The following LNPK variants were observed in gnomAD, a reference collection of about 807,000 sequenced individuals.
LNPK encodes the protein lunapark, ER junction formation factor.
In LNPK, 29 loss-of-function variants were observed where a neutral mutation model predicts 55.2. The observed-to-expected ratio is 0.53, with a 90% CI of 0.39 to 0.72. The LOEUF is 0.72. Among genes scored for constraint, LNPK ranks in the 30% least tolerant of loss-of-function variants. The pLI, the probability that LNPK is intolerant of heterozygous loss-of-function variation, is 0.00. For synonymous variants in LNPK, 162 were observed against 168.2 expected, an observed-to-expected ratio of 0.96 and a Z score of 0.29; for missense variants, 467 against 494.8, an observed-to-expected ratio of 0.94 and a Z score of 0.53.
intron 8 of LNPK, among the ~76,000 whole-genome samples, chr2:175,963,730 G>T (rs373150618): frequency 6.6e-6 from 1 of 150,572 alleles, no homozygotes; most frequent in Non-Finnish European, 1.5e-5. Flanking sequence ...TAAAAAAAAA[G>T]AAAAGAACAA....
intron 5 of LNPK, among the ~76,000 whole-genome samples, chr2:175,971,528 T>G (rs1263143632): frequency 6.6e-6 from 1 of 152,146 alleles, no homozygotes; most frequent in Non-Finnish European, 1.5e-5. Context: ...GGCTTGAATA[T>G]TATCAAATGA....
chr2:175,988,535 A>G lies in LNPK; in HGVS notation c.257+3696T>C, dbSNP rs984479356. 2.0e-5 allele frequency among the ~76,000 whole-genome samples: 3 copies of G among 150,452 alleles called. No individual in the cohort carries two copies. In the East Asian group the frequency reaches 5.9e-4, roughly 29 times the overall value. On this transcript the variant is annotated intron_variant, in intron 4 of 12. Coordinates refer to ENST00000272748, the MANE Select transcript of LNPK (RefSeq NM_030650.3). ...TCCAAAAAAAAAAAAAAAAAAAAAAAGCTAAAGATGAATTTATATACAGGT... is the reference window on the plus strand; with the variant it reads ...TCCAAAAAAAAAAAAAAAAAAAAAAGGCTAAAGATGAATTTATATACAGGT...
intron 12 of LNPK, among the ~76,000 whole-genome samples, chr2:175,931,364 ATG>A (rs1184582236): frequency 2.6e-5 from 4 of 152,220 alleles, no homozygotes; most frequent in African/African-American, 2.4e-5. Flanking sequence ...CAAAGAAATT[ATG>A]TGTTATATGC....
intron 8 of LNPK, among the ~76,000 whole-genome samples, chr2:175,954,322 A>G (rs1685578952): frequency 6.6e-6 from 1 of 152,156 alleles, no homozygotes; most frequent in South Asian, 2.1e-4. Context: ...TACCCAACTT[A>G]TTTAGAGTGA....
In LNPK at chr2:175,927,189, T is replaced by C. The variant is rs571410315; in HGVS notation, c.*2778A>G. 6.6e-6 allele frequency: 1 copy of C among 152,340 alleles called. No individual in the cohort carries two copies. The highest frequency in any genetic ancestry group is 1.5e-5 in the Non-Finnish European group (1 of 68,030). 9.4% of individuals were successfully genotyped at this position (152,340 alleles called of 1,614,324 possible). ...AAAAGAAAAAAAGTATCTCAGAGAA[T>C]ATTCAATGTCAATACTGCCAAGCAG... On this transcript the variant is annotated 3_prime_UTR_variant, in exon 13 of 13. Transcript: ENST00000272748.
intron 8 of LNPK, among the ~76,000 whole-genome samples, chr2:175,948,386 A>G (rs370117164): frequency 5.3e-5 from 8 of 152,356 alleles, no homozygotes; most frequent in African/African-American, 1.9e-4. Context: ...TTTTATTAGA[A>G]CACAGGCCAG....
intron 7 of LNPK, 38 bp downstream of exon 7, chr2:175,964,468 T>C: frequency 6.3e-7 from 1 of 1,586,928 alleles, no homozygotes; most frequent in East Asian, 2.2e-5. Flanking sequence ...TTACAATGTG[T>C]AATTTATAAT....
At chr2:175,937,161 G>T (rs2105527355) in intron 12 of LNPK, among the ~76,000 whole-genome samples, 183 bp downstream of exon 12, 1 of 152,234 alleles carries the variant, frequency 6.6e-6, no homozygotes, top group Middle Eastern at 3.4e-3. Context: ...AATACAACCT[G>T]CATGTTAAAA....
intron 9 of LNPK, chr2:175,941,127 T>C (rs1177685219): frequency 2.7e-6 from 1 of 364,758 alleles, no homozygotes; most frequent in South Asian, 2.0e-5. Context: ...GACATGCACC[T>C]GTAGTCCCAG....
At chr2:175,996,356 G>C (rs1356325894) in intron 1 of LNPK, among the ~76,000 whole-genome samples, 2 of 152,088 alleles carry the variant, frequency 1.3e-5, no homozygotes, top group African/African-American at 4.8e-5. Context: ...TAGTTATCTG[G>C]AATAGAAGTG....
At chr2:175,965,069 T>A (rs1431762691) in intron 6 of LNPK, among the ~76,000 whole-genome samples, 1 of 152,180 alleles carries the variant, frequency 6.6e-6, no homozygotes, top group African/African-American at 2.4e-5. Flanking sequence ...GCAGAAGCAA[T>A]TAGCTTGCTG....
chr2:175,967,384 A>C (rs542608464), intron 6 of LNPK, among the ~76,000 whole-genome samples: 3 of 152,306 alleles, frequency 2.0e-5, no homozygotes, highest in Non-Finnish European at 4.4e-5. Context: ...AAAACATTAA[A>C]AGGGCACACT....
rs35147185 is a variant in LNPK at position 175,997,705 on chromosome 2, C to CTG, written c.-62-2061_-62-2060dup. ...TTCTAGCGGCCCTAAAACAAATGCT[C>CTG]TGTGTGTGTGTGTGTGTGTGTGTGT... On this transcript the variant is annotated intron_variant, in intron 1 of 12. Transcript: ENST00000272748. Among the ~76,000 whole-genome samples the CTG allele has an allele frequency of 4.1e-3, 590 of 144,120 alleles. 4 individuals are homozygous for CTG. Among genetic ancestry groups the CTG allele is most frequent in the South Asian group, 0.013 (56 of 4,276 alleles). The allele number at this position is 144,120 out of a possible 152,430, so 94.5% of individuals were successfully genotyped here.
Position 175,928,167 on chromosome 2 carries a change from T to C in LNPK, c.*1800A>G, listed in dbSNP as rs1056143636. On this transcript the variant is annotated 3_prime_UTR_variant, in exon 13 of 13. Transcript: ENST00000272748. ...TATAGAAAAGTTGATGCAAAAAACA[T>C]TGGCTTGAATCTGAGAAGCTGAATT... The C allele has an allele frequency of 2.0e-5, 3 of 152,158 alleles. No individual in the cohort carries two copies. Among genetic ancestry groups the C allele is most frequent in the African/African-American group, 4.8e-5 (2 of 41,432 alleles). 9.4% of individuals were successfully genotyped at this position (152,158 alleles called of 1,614,324 possible).
At position 176,002,226 on chromosome 2, in the gene LNPK, C is replaced by A. The variant is rs1374565191; in HGVS notation, c.-129G>T. On this transcript the variant is annotated 5_prime_UTR_variant, in exon 1 of 13. Coordinates refer to ENST00000272748, the MANE Select transcript of LNPK (RefSeq NM_030650.3). ...GCCAGTCTCGGCCGCCACCGCCCAG[C>A]CTGCCTCCAGAGCAGGCAGCAGCCG... The A allele has an allele frequency of 6.6e-6, 3 of 452,276 alleles. No individual in the cohort carries two copies. Among genetic ancestry groups the A allele is most frequent in the African/African-American group, 2.0e-5 (1 of 49,656 alleles). The allele number at this position is 452,276 out of a possible 1,614,324, so 28.0% of individuals were successfully genotyped here. A position where few individuals can be genotyped will look rare whatever the true frequency, so the allele number is the denominator to read the frequency against.
In LNPK at chr2:175,970,861, G is replaced by A. The variant is rs989646576; in HGVS notation, c.317-57C>T. 5.3e-5 allele frequency: 71 copies of A among 1,329,234 alleles called. 1 individual carries two copies. The highest frequency in any genetic ancestry group is 1.4e-4 in the East Asian group (5 of 35,472). The allele number at this position is 1,329,234 out of a possible 1,614,324, so 82.3% of individuals were successfully genotyped here. ...ATATTTAGATATAAGAAAAAATCAC[G>A]CCAAATGACACACGGTAGCAAACAC... On this transcript the variant is annotated intron_variant, in intron 5 of 12. Transcript: ENST00000272748.
chr2:175,977,647 T>C (rs781281019), intron 5 of LNPK, among the ~76,000 whole-genome samples: 23 of 152,128 alleles, frequency 1.5e-4, no homozygotes, highest in Non-Finnish European at 2.2e-4. Flanking sequence ...TGACAAGACA[T>C]AGATAATGAG....
At chr2:175,988,166 C>T (rs989311936) in intron 4 of LNPK, among the ~76,000 whole-genome samples, 1 of 151,986 alleles carries the variant, frequency 6.6e-6, no homozygotes, top group African/African-American at 2.4e-5. Context: ...AAGCCCTATC[C>T]AATTTATCAA....
intron 8 of LNPK, among the ~76,000 whole-genome samples, chr2:175,949,346 C>T (rs1685293689): frequency 6.6e-6 from 1 of 151,990 alleles, no homozygotes. Context: ...ATTAGGAAAG[C>T]CATTAAATGC....
Sources: allele counts gnomAD v4.1 joint callset (sites outside exome capture counted in the v4.1 genomes callset), GRCh38; gene constraint gnomAD v4.1.1; transcripts MANE v1.5; gene names NCBI Gene and HGNC (gene_info 2026-07-23, HGNC 2026-07-21).